FBXO11: variants seen among roughly 807,000 people sequenced by gnomAD.
FBXO11 encodes the protein F-box protein 11, also known as F-box only protein 11.
A neutral mutation model predicts 117.0 loss-of-function variants in FBXO11; 13 were observed. The observed-to-expected ratio is 0.11, with a 90% CI of 0.07 to 0.18. The LOEUF (loss-of-function observed/expected upper bound fraction) is 0.18. Ranked by LOEUF, FBXO11 falls within the 10% of genes least tolerant of loss-of-function variation. The probability of loss-of-function intolerance (pLI) is 1.00; values close to 1 mark genes in which losing one functional copy is unlikely to be tolerated. For synonymous variants in FBXO11, 490 were observed against 380.5 expected, an observed-to-expected ratio of 1.29 and a Z score of -3.35; for missense variants, 767 against 1,164.4, an observed-to-expected ratio of 0.66 and a Z score of 4.97.
intron 21 of FBXO11, 180 bp from the exon 22 acceptor site, chr2:47,808,607 CTG>C (rs1670388672): frequency 1.9e-6 from 1 of 517,082 alleles, no homozygotes; most frequent in Admixed American, 3.6e-5. Context: ...TTCCTGTCAT[CTG>C]TGTCTTCGGA....
chr2:47,900,605 TACACAC>T (rs1220151268), intron 1 of FBXO11, among the ~76,000 whole-genome samples: 3 of 112,204 alleles, frequency 2.7e-5, no homozygotes, highest in African/African-American at 9.5e-5. Flanking sequence ...TACACACGTA[TACACAC>T]GTATATACAC....
intron 4 of FBXO11, among the ~76,000 whole-genome samples, chr2:47,838,327 C>T (rs979698192): frequency 6.6e-6 from 1 of 152,124 alleles, no homozygotes; most frequent in East Asian, 1.9e-4. Context: ...GTAGTTCATT[C>T]CCTTAATTCT....
intron 14 of FBXO11, 39 bp downstream of exon 14, chr2:47,820,323 G>T: frequency 1.3e-6 from 2 of 1,509,394 alleles, no homozygotes; most frequent in Non-Finnish European, 1.8e-6. Context: ...CCCTGGTTTT[G>T]ATGCATGAGT....
intron 1 of FBXO11, among the ~76,000 whole-genome samples, chr2:47,900,590 G>GTATACACGTGTGTA (rs1558486148): frequency 9.3e-6 from 1 of 108,064 alleles, no homozygotes; most frequent in African/African-American, 3.4e-5. Context: ...ACATATATAC[G>GTATACACGTGTGTA]TATATACACA....
chr2:47,814,120 A>G (rs1453054265), intron 16 of FBXO11: 3 of 368,802 alleles, frequency 8.1e-6, no homozygotes, highest in Non-Finnish European at 1.5e-5. Context: ...ATATTAAGTG[A>G]CATATATTCC....
chr2:47,864,512 G>T (rs1278048367), intron 1 of FBXO11, among the ~76,000 whole-genome samples: 3 of 151,966 alleles, frequency 2.0e-5, no homozygotes, highest in Non-Finnish European at 2.9e-5. Context: ...GCTTGAACCC[G>T]GGAGGCAGAG....
intron 20 of FBXO11, 97 bp downstream of exon 20, chr2:47,809,503 T>C (rs984018547): frequency 1.0e-5 from 9 of 896,436 alleles, no homozygotes; most frequent in Non-Finnish European, 1.4e-5. Context: ...TGTTGCTAAC[T>C]TGGAGAGTGA....
chr2:47,838,799 T>A (rs1349620101), intron 4 of FBXO11, 60 bp downstream of exon 4: 1 of 1,530,856 alleles, frequency 6.5e-7, no homozygotes, highest in East Asian at 2.3e-5. Context: ...CCTACCATGT[T>A]TAGCATTTTG....
In FBXO11 at chr2:47,895,684, A is replaced by G. The variant is rs72876863; in HGVS notation, c.232+9805T>C. On this transcript the variant is annotated intron_variant, in intron 1 of 22. Transcript: ENST00000403359. The stretch of plus-strand genomic sequence containing the variant: ...AATTATTTCCACAATTTAAATAACT[A>G]TATAGTTTATGTTGTTGTTTTTTTT... Among the ~76,000 whole-genome samples the G allele has an allele frequency of 9.4e-3, 1,436 of 152,282 alleles. 27 individuals carry two copies. Among genetic ancestry groups the G allele is most frequent in the African/African-American group, 0.032 (1,344 of 41,570 alleles).
intron 14 of FBXO11, among the ~76,000 whole-genome samples, 192 bp downstream of exon 14, chr2:47,820,170 C>G (rs933425423): frequency 2.0e-5 from 3 of 152,040 alleles, no homozygotes; most frequent in Non-Finnish European, 4.4e-5. Context: ...TAATTAAACA[C>G]AAACTTAAAA....
intron 1 of FBXO11, among the ~76,000 whole-genome samples, chr2:47,901,781 T>C (rs999047253): frequency 6.6e-6 from 1 of 152,144 alleles, no homozygotes; most frequent in African/African-American, 2.4e-5. Context: ...AATTACAAAA[T>C]ACATTCCTGC....
At chr2:47,884,512 C>G (rs1676668105) in intron 1 of FBXO11, among the ~76,000 whole-genome samples, 1 of 152,094 alleles carries the variant, frequency 6.6e-6, no homozygotes, top group African/African-American at 2.4e-5. Context: ...TCACTGAAAA[C>G]AGAGGTTGAT....
At chr2:47,886,871 C>G (rs1241611620) in intron 1 of FBXO11, among the ~76,000 whole-genome samples, 2 of 151,902 alleles carry the variant, frequency 1.3e-5, no homozygotes, top group African/African-American at 4.8e-5. Flanking sequence ...CCTGTCTCTA[C>G]CAAAAAAAAA....
At chr2:47,892,230 T>C (rs936127282) in intron 1 of FBXO11, among the ~76,000 whole-genome samples, 4 of 152,196 alleles carry the variant, frequency 2.6e-5, no homozygotes, top group Non-Finnish European at 5.9e-5. Flanking sequence ...AGATTCCATA[T>C]ACAGTATTTG....
At chr2:47,860,211 T>A (rs575156928) in intron 1 of FBXO11, among the ~76,000 whole-genome samples, 3 of 152,300 alleles carry the variant, frequency 2.0e-5, no homozygotes, top group East Asian at 1.9e-4. Flanking sequence ...GGGCACTTTA[T>A]TCCAAATAGT....
intron 1 of FBXO11, among the ~76,000 whole-genome samples, chr2:47,886,636 C>A (rs183274160): frequency 1.3e-5 from 2 of 151,776 alleles, no homozygotes; most frequent in African/African-American, 4.8e-5. Context: ...ATATTTAATA[C>A]ATTGTGGTAC....
intron 1 of FBXO11, among the ~76,000 whole-genome samples, chr2:47,840,994 C>T (rs952696003): frequency 5.9e-5 from 9 of 151,996 alleles, no homozygotes; most frequent in South Asian, 4.2e-4. Context: ...GTCAGGAGAT[C>T]GAGACCATCC....
chr2:47,895,851 C>G (rs889429250), intron 1 of FBXO11, among the ~76,000 whole-genome samples: 1 of 152,118 alleles, frequency 6.6e-6, no homozygotes, highest in Admixed American at 6.5e-5. Context: ...TGCCACCATA[C>G]CCAGCTAGCC....
intron 5 of FBXO11, among the ~76,000 whole-genome samples, chr2:47,835,121 G>C (rs1236931036): frequency 6.6e-6 from 1 of 152,064 alleles, no homozygotes; most frequent in African/African-American, 2.4e-5. Context: ...TTTGTTATGG[G>C]GGCTGTCCTG....
Sources: allele counts gnomAD v4.1 joint callset (sites outside exome capture counted in the v4.1 genomes callset), GRCh38; gene constraint gnomAD v4.1.1; transcripts MANE v1.5; gene names NCBI Gene and HGNC (gene_info 2026-07-23, HGNC 2026-07-21).